The following UTRN variants were observed in gnomAD, a reference collection of about 807,000 sequenced individuals.
The protein encoded by UTRN is dystrophin-related protein 1.
UTRN carries 283 observed loss-of-function variants against 463.9 expected under a neutral mutation model. That is an observed-to-expected ratio of 0.61 (90% CI 0.55 to 0.67). UTRN has a LOEUF of 0.67. UTRN is among the 30% of genes least tolerant of loss of function. UTRN has a pLI of 0.00. For missense variants in UTRN, 3,922 were observed against 4,084.3 expected, an observed-to-expected ratio of 0.96 and a Z score of 1.08; for synonymous variants, 1,442 against 1,431.5, an observed-to-expected ratio of 1.01 and a Z score of -0.17.
intron 54 of UTRN, among the ~76,000 whole-genome samples, chr6:144,733,322 T>C (rs986802827): frequency 2.0e-5 from 3 of 152,012 alleles, no homozygotes; most frequent in African/African-American, 7.2e-5. Context: ...ATGGAGACCA[T>C]CCTGGCTAAC....
At chr6:144,590,638 T>C (rs1158144348) in intron 51 of UTRN, among the ~76,000 whole-genome samples, 1 of 152,188 alleles carries the variant, frequency 6.6e-6, no homozygotes, top group Non-Finnish European at 1.5e-5. Context: ...CAGTGTTGCA[T>C]TTTCCATGGG....
At chr6:144,361,892 A>T (rs1779113155) in intron 2 of UTRN, among the ~76,000 whole-genome samples, 1 of 150,958 alleles carries the variant, frequency 6.6e-6, no homozygotes, top group African/African-American at 2.4e-5. Context: ...CAGATGTGAG[A>T]CACCTCACCC....
chr6:144,503,635 C>T (rs1794426203), intron 34 of UTRN, among the ~76,000 whole-genome samples: 1 of 152,258 alleles, frequency 6.6e-6, no homozygotes, highest in East Asian at 1.9e-4. Flanking sequence ...CAGTACCATG[C>T]TGTTTTGGTT....
chr6:144,497,430 C>T lies in UTRN; in HGVS notation c.4594-1827C>T, dbSNP rs140573017. Among the ~76,000 whole-genome samples, 32 of 149,750 alleles carry T rather than the reference C, an allele frequency of 2.1e-4. 2 individuals are homozygous for T. The highest frequency in any genetic ancestry group is 2.1e-3 in the Admixed American group (31 of 14,880). On this transcript the variant is annotated intron_variant, in intron 33 of 74. Coordinates refer to ENST00000367545, the MANE Select transcript of UTRN (RefSeq NM_007124.3). ...GTCGCTTATGCCTGTAATCTTTGCA[C>T]GTTGGGAGGCCAAGGTGGTGGATCA...
intron 51 of UTRN, among the ~76,000 whole-genome samples, chr6:144,579,806 A>G (rs1801787921): frequency 6.6e-6 from 1 of 152,180 alleles, no homozygotes; most frequent in Non-Finnish European, 1.5e-5. Flanking sequence ...TAAAGAGGAC[A>G]TTTACTAAGA....
At chr6:144,398,431 T>C in intron 2 of UTRN, 1 of 371,342 alleles carries the variant, frequency 2.7e-6, no homozygotes, top group Non-Finnish European at 5.4e-6. Flanking sequence ...CTCAAGGGCC[T>C]CTGAAGAACA....
At chr6:144,370,112 G>A (rs191615105) in intron 2 of UTRN, among the ~76,000 whole-genome samples, 2,122 of 152,316 alleles carry the variant, frequency 0.014, 23 homozygotes, top group Non-Finnish European at 0.024. Context: ...TGGGTAACAG[G>A]CAGAGCTTTG....
intron 34 of UTRN, among the ~76,000 whole-genome samples, chr6:144,507,806 G>A (rs529572298): frequency 9.9e-5 from 15 of 152,246 alleles, no homozygotes; most frequent in African/African-American, 3.1e-4. Flanking sequence ...TGGGAGATCC[G>A]CTGCTCTCTT....
chr6:144,472,894 G>A (rs910956388), intron 23 of UTRN, among the ~76,000 whole-genome samples: 2 of 151,616 alleles, frequency 1.3e-5, no homozygotes, highest in Non-Finnish European at 2.9e-5. Flanking sequence ...AAGCCACCCC[G>A]AGTAGCTGGG....
intron 42 of UTRN, among the ~76,000 whole-genome samples, chr6:144,532,705 G>A (rs559678385): frequency 1.3e-5 from 2 of 152,184 alleles, no homozygotes; most frequent in Non-Finnish European, 2.9e-5. Flanking sequence ...ATTTATTGGG[G>A]TATATAATTT....
intron 2 of UTRN, among the ~76,000 whole-genome samples, chr6:144,387,308 A>G (rs1459513699): frequency 6.6e-6 from 1 of 151,710 alleles, no homozygotes; most frequent in Non-Finnish European, 1.5e-5. Context: ...ATGCCTGGCT[A>G]ATTTTTGTAT....
chr6:144,490,762 C>T (rs548922411), intron 31 of UTRN, among the ~76,000 whole-genome samples, 167 bp from the exon 32 acceptor site: 10 of 152,164 alleles, frequency 6.6e-5, no homozygotes, highest in East Asian at 1.9e-4. Context: ...CTTAGGTGAT[C>T]GGGTACCCTC....
chr6:144,534,693 A>G (rs755603359), intron 43 of UTRN, among the ~76,000 whole-genome samples: 1 of 152,210 alleles, frequency 6.6e-6, no homozygotes, highest in Non-Finnish European at 1.5e-5. Context: ...TTAGCACTGA[A>G]GATACAAGTA....
intron 51 of UTRN, among the ~76,000 whole-genome samples, chr6:144,644,995 A>G (rs1047100800): frequency 1.3e-5 from 2 of 152,208 alleles, no homozygotes; most frequent in African/African-American, 4.8e-5. Flanking sequence ...CTTTGTTTCA[A>G]AACAGTTCAT....
At chr6:144,336,625 C>A (rs562053241) in intron 2 of UTRN, among the ~76,000 whole-genome samples, 107 of 152,276 alleles carry the variant, frequency 7.0e-4, no homozygotes, top group Non-Finnish European at 1.4e-3. Flanking sequence ...CGAGAAAACT[C>A]ACTTGCTGAC....
At chr6:144,299,887 G>A (rs1467277658) in intron 2 of UTRN, among the ~76,000 whole-genome samples, 1 of 151,954 alleles carries the variant, frequency 6.6e-6, no homozygotes, top group African/African-American at 2.4e-5. Flanking sequence ...TTGCCTCCCT[G>A]TTTTTTAATT....
At chr6:144,622,310 C>T (rs1355640341) in intron 51 of UTRN, among the ~76,000 whole-genome samples, 2 of 151,048 alleles carry the variant, frequency 1.3e-5, no homozygotes, top group Admixed American at 1.3e-4. Context: ...CCTCAGCCAC[C>T]CAAGTAGCTG....
chr6:144,691,306 A>G (rs1057130636), intron 52 of UTRN, among the ~76,000 whole-genome samples: 9 of 152,096 alleles, frequency 5.9e-5, no homozygotes, highest in Non-Finnish European at 8.8e-5. Flanking sequence ...TAGTAGAGAC[A>G]AGGTTTCGCC....
intron 40 of UTRN, 37 bp downstream of exon 40, chr6:144,522,208 T>A: frequency 7.1e-7 from 1 of 1,410,954 alleles, no homozygotes; most frequent in Non-Finnish European, 9.3e-7. Flanking sequence ...TGGCCACAGT[T>A]AATGTAGAAG....
Sources: gnomAD v4.1 joint callset for allele counts (sites outside exome capture counted in the v4.1 genomes callset) on GRCh38, gnomAD v4.1.1 for gene constraint, MANE v1.5 for transcripts, NCBI Gene and HGNC (gene_info 2026-07-23, HGNC 2026-07-21) for gene names.